Variants in ZBTB17 observed in about 807,000 individuals in gnomAD.
ZBTB17 encodes the protein zinc finger and BTB domain-containing protein 17.
ZBTB17 carries 24 observed loss-of-function variants against 85.1 expected under a neutral mutation model. The observed-to-expected ratio is 0.28, with a 90% CI of 0.20 to 0.40. The LOEUF (loss-of-function observed/expected upper bound fraction) is 0.40, where lower values mean the gene tolerates loss of function less well. Ranked by LOEUF, ZBTB17 falls within the 10% of genes least tolerant of loss-of-function variation. The pLI, the probability that ZBTB17 is intolerant of heterozygous loss-of-function variation, is 1.00. For synonymous variants in ZBTB17, 464 were observed against 460.2 expected (o/e 1.01, Z -0.11); for missense variants, 743 against 1,105.1 (o/e 0.67, Z 4.65).
At chr1:15,975,737 C>T (rs1345190318) in intron 1 of ZBTB17, among the ~76,000 whole-genome samples, 1 of 152,094 alleles carries the variant, frequency 6.6e-6, no homozygotes, top group Non-Finnish European at 1.5e-5. Context: ...GGAGGTGACA[C>T]GCGCCCCCTC....
chr1:15,950,756 G>A (rs1380146462), intron 2 of ZBTB17, among the ~76,000 whole-genome samples: 1 of 152,184 alleles, frequency 6.6e-6, no homozygotes, highest in East Asian at 1.9e-4. Context: ...CCTCTAGCAG[G>A]AAAACCATCT....
chr1:15,960,981 G>T (rs756831773), intron 2 of ZBTB17, among the ~76,000 whole-genome samples: 1 of 151,416 alleles, frequency 6.6e-6, no homozygotes, highest in Non-Finnish European at 1.5e-5. Flanking sequence ...AGGCGTGCTG[G>T]TGCATGCCTG....
intron 2 of ZBTB17, chr1:15,970,136 T>C (rs2072592723): frequency 1.7e-6 from 1 of 597,570 alleles, no homozygotes; most frequent in Non-Finnish European, 3.0e-6. Flanking sequence ...ATATGTACCT[T>C]TTGTCTTATC....
rs1367897286 is a variant in ZBTB17 at position 15,941,980 on chromosome 1, G to T, written c.2401C>A (p.Pro801Thr). Residue 801 changes from proline to threonine, a missense_variant, in exon 16 of 16, where the codon CCT becomes ACT. Pro to Thr is a conservative substitution (Grantham distance 38). This residue lies in a region of ZBTB17 where 69 missense variants were observed against 77.0 expected (regional missense o/e 0.90). Transcript: ENST00000375743. Reference sequence around the variant, plus strand: ...GAAGGGCCGCCAGCTCACTCGGCAGGCGGGGGACATTCAGGAGCTGTAGGG... The same window carrying T: ...GAAGGGCCGCCAGCTCACTCGGCAGTCGGGGGACATTCAGGAGCTGTAGGG... ...TSPTAPECPP[P>T]AE 1.3e-5 allele frequency: 20 copies of T among 1,596,504 alleles called. No individual in the cohort carries two copies. Among genetic ancestry groups the T allele is most frequent in the Non-Finnish European group, 1.4e-5 (16 of 1,175,212 alleles).
rs114062768 is a variant in ZBTB17 at position 15,973,527 on chromosome 1, G to A, written c.-89-402C>T. On this transcript the variant is annotated intron_variant, in intron 1 of 15. Coordinates refer to ENST00000375743, the MANE Select transcript of ZBTB17 (RefSeq NM_003443.3). The surrounding 1 kb of genome is among the most constrained non-coding windows in gnomAD (Gnocchi z 4.1). ...CCCATGACTTCAGTGACCTTTGATG[G>A]TGATAACTACTAGCTGAACAGGTGC... 8.9e-3 allele frequency among the ~76,000 whole-genome samples: 1,357 copies of A among 152,262 alleles called. 20 individuals carry two copies. The highest frequency in any genetic ancestry group is 0.031 in the African/African-American group (1,293 of 41,542).
In ZBTB17 at chr1:15,946,225, C is replaced by A. The variant is rs148471565; in HGVS notation, c.464G>T (p.Arg155Leu). 17 of 1,613,480 alleles carry A rather than the reference C, an allele frequency of 1.1e-5. No homozygotes were observed. Among genetic ancestry groups the A allele is most frequent in the Admixed American group, 1.7e-5 (1 of 60,010 alleles). The change falls in exon 5 of 16, where the codon CGC (arginine) becomes CTC (leucine). Residue 155 changes from arginine (R) to leucine (L), a missense_variant. Coordinates refer to ENST00000375743, the MANE Select transcript of ZBTB17 (RefSeq NM_003443.3). ...CCTGCTGGGGCCTATGGGTGTGCTG[C>A]GTCCTGCCTGCTCCAGCCTGCTCAG... is the stretch of plus-strand genomic sequence containing the variant. ...STLSRLEQAG[R>L]STPIGPSRDL...
rs1026237784 is a variant in ZBTB17 at position 15,943,381 on chromosome 1, T to C, written c.1697+18A>G. On this transcript the variant is annotated intron_variant, in intron 12 of 15. Transcript: ENST00000375743. Reference sequence around the variant, plus strand: ...CTGTGGGGTGTCTGGCCAGTGGGTGTGGGGGAGGGGGCAGGACCTCTTGCC... The same window carrying C: ...CTGTGGGGTGTCTGGCCAGTGGGTGCGGGGGAGGGGGCAGGACCTCTTGCC... 6 of 1,584,592 alleles carry C rather than the reference T, an allele frequency of 3.8e-6. No homozygotes were observed. The East Asian group carries it at 9.0e-5, about 24-fold the overall frequency.
At chr1:15,967,499 C>A in intron 2 of ZBTB17, among the ~76,000 whole-genome samples, 1 of 150,792 alleles carries the variant, frequency 6.6e-6, no homozygotes. Context: ...GGCAACACGG[C>A]GAGATTCTGT....
chr1:15,954,092 G>A (rs183410268), intron 2 of ZBTB17, among the ~76,000 whole-genome samples: 3 of 152,334 alleles, frequency 2.0e-5, no homozygotes, highest in African/African-American at 7.2e-5. Flanking sequence ...AGTGATGGGA[G>A]GGGCACTGAG....
At position 15,951,476 on chromosome 1, in the gene ZBTB17, G is replaced by A. The variant is rs908053808; in HGVS notation, c.-2-2979C>T. Among the ~76,000 whole-genome samples the A allele has an allele frequency of 1.8e-4, 27 of 152,286 alleles. No homozygotes were observed. The highest frequency in any genetic ancestry group is 3.4e-3 in the Middle Eastern group (1 of 294). ...GACTAAGTGCTAAATGGTGTTACCC[G>A]CAGAACTGTGTCACTGTGGACTTTA... On this transcript the variant is annotated intron_variant, in intron 2 of 15. Transcript: ENST00000375743. This position sits in a 1 kb window ranked among gnomAD's most constrained non-coding sequence, Gnocchi z 4.1.
intron 2 of ZBTB17, among the ~76,000 whole-genome samples, chr1:15,963,976 A>G (rs1171152675): frequency 4.0e-5 from 6 of 151,864 alleles, no homozygotes; most frequent in Non-Finnish European, 8.8e-5. Context: ...AAAAATTAGC[A>G]GGGTGTGGTG....
intron 2 of ZBTB17, among the ~76,000 whole-genome samples, chr1:15,972,482 G>A (rs566447046): frequency 3.7e-4 from 57 of 152,334 alleles, no homozygotes; most frequent in Non-Finnish European, 6.8e-4. Flanking sequence ...ACCAGATGCA[G>A]GAACTGGCTT....
chr1:15,974,949 C>T (rs1489727365), intron 1 of ZBTB17, among the ~76,000 whole-genome samples: 2 of 152,234 alleles, frequency 1.3e-5, no homozygotes, highest in Admixed American at 1.3e-4. Context: ...AAACTACACC[C>T]TTAACTGGGA....
chr1:15,945,143 C>G lies in ZBTB17; in HGVS notation c.721G>C (p.Glu241Gln), dbSNP rs1557774484. 4 of 1,585,070 alleles carry G rather than the reference C, an allele frequency of 2.5e-6. No individual in the cohort carries two copies. The highest frequency in any genetic ancestry group is 3.4e-6 in the Non-Finnish European group (4 of 1,165,114). Residue 241 changes from glutamate (E) to glutamine (Q), a missense_variant, in exon 7 of 16, where the codon GAG becomes CAG. Around this residue, in one of 4 missense-constraint regions of ZBTB17, gnomAD observed 279 missense variants for 269.9 expected, o/e 1.03. Coordinates refer to ENST00000375743, the MANE Select transcript of ZBTB17 (RefSeq NM_003443.3). ...EEEQKEQEEQ[E>Q]EEGAGPAEVK... ...TCAGCTGGCCCTGCGCCCTCCTCCTCTTGCTCCTCTTGCTCCTTTTGCTCC... is the reference window on the plus strand; with the variant it reads ...TCAGCTGGCCCTGCGCCCTCCTCCTGTTGCTCCTCTTGCTCCTTTTGCTCC...
chr1:15,944,090 C>T (rs2071479137), intron 9 of ZBTB17, 195 bp from the exon 10 acceptor site: 2 of 1,009,182 alleles, frequency 2.0e-6, no homozygotes, highest in East Asian at 2.6e-5. Flanking sequence ...TTTTCAGGAC[C>T]AAACCCCGCC....
At chr1:15,950,386 CA>C (rs890346660) in intron 2 of ZBTB17, among the ~76,000 whole-genome samples, 5 of 152,264 alleles carry the variant, frequency 3.3e-5, no homozygotes, top group African/African-American at 7.2e-5. Context: ...GAACCAAAGG[CA>C]GGGGCGAGGT....
intron 2 of ZBTB17, chr1:15,969,894 G>T: frequency 1.6e-6 from 1 of 626,048 alleles, no homozygotes; most frequent in Non-Finnish European, 3.0e-6. Context: ...ACAGACGGAG[G>T]CAGCTAGGAC....
At position 15,945,096 on chromosome 1, in the gene ZBTB17, C is replaced by G; in HGVS notation, c.768G>C (p.Gln256His). The G allele has an allele frequency of 6.2e-7, 1 of 1,610,928 alleles. No individual in the cohort carries two copies. The highest frequency in any genetic ancestry group is 1.3e-5 in the African/African-American group (1 of 75,028). The change falls in exon 7 of 16, where the codon CAG becomes CAC. Residue 256 changes from glutamine (Q) to histidine (H), a missense_variant. This residue lies in a region of ZBTB17 where 279 missense variants were observed against 269.9 expected (regional missense o/e 1.03). Coordinates refer to ENST00000375743, the MANE Select transcript of ZBTB17 (RefSeq NM_003443.3). ...GPAEVKEEGS[Q>H]LENGEAPEEN... ...CCTCGGGGGCCTCTCCGTTCTCCAG[C>G]TGGGAACCCTCCTCCTTGACCTCAG... is the stretch of plus-strand genomic sequence containing the variant.
At chr1:15,942,786 G>T in intron 13 of ZBTB17, 48 bp from the exon 14 acceptor site, 1 of 1,595,072 alleles carries the variant, frequency 6.3e-7, no homozygotes, top group African/African-American at 1.3e-5. Context: ...GGGCCGCAGG[G>T]ATGGGGTGGG....
Sources: gnomAD v4.1 joint callset for allele counts (sites outside exome capture counted in the v4.1 genomes callset) on GRCh38, gnomAD v4.1.1 for gene constraint, gnomAD v4.1.1 regional missense constraint, Gnocchi (gnomAD v3.1) non-coding constraint, MANE v1.5 for transcripts, NCBI Gene and HGNC (gene_info 2026-07-23, HGNC 2026-07-21) for gene names.